FRMPD4: variants seen among roughly 807,000 people sequenced by gnomAD.
FRMPD4 encodes FERM and PDZ domain containing 4, also known as FERM and PDZ domain-containing protein 4.
A neutral mutation model predicts 94.1 loss-of-function variants in FRMPD4; 22 were observed. The observed-to-expected ratio is 0.23, with a 90% confidence interval of 0.17 to 0.33. The LOEUF (loss-of-function observed/expected upper bound fraction) is 0.33. FRMPD4 is among the 10% of genes least tolerant of loss of function. FRMPD4 has a pLI of 1.00. For synonymous variants in FRMPD4, 631 were observed against 548.6 expected, an observed-to-expected ratio of 1.15 and a Z score of -2.10; for missense variants, 1,111 against 1,339.9, an observed-to-expected ratio of 0.83 and a Z score of 2.67.
At chrX:12,668,530 G>A (rs989650509) in intron 4 of FRMPD4, among the ~76,000 whole-genome samples, 2 of 109,576 alleles carry the variant, frequency 1.8e-5, no homozygotes, top group Non-Finnish European at 3.8e-5. Context: ...GTGTGCTGAG[G>A]AGTCCTTCTT....
At chrX:11,942,025 A>G (rs2054162618) in intron 3 of FRMPD4, among the ~76,000 whole-genome samples, 2 of 112,117 alleles carry the variant, frequency 1.8e-5, no homozygotes, top group Non-Finnish European at 3.8e-5. Context: ...GACAAAGGTT[A>G]AAGAAATTAG....
In FRMPD4 at chrX:12,396,460, C is replaced by A. The variant is rs190121434; in HGVS notation, c.42-102220C>A. On this transcript the variant is annotated intron_variant, in intron 1 of 16. Transcript: ENST00000675598. ...AAAGCACATTTTTAATGATTGTTAT[C>A]CCACTAATGAATATTCCACGTTTTG... 1.9e-4 allele frequency among the ~76,000 whole-genome samples: 21 copies of A among 112,017 alleles called. No individual in the cohort carries two copies. In the South Asian group the frequency reaches 4.8e-3, roughly 26 times the overall value.
intron 3 of FRMPD4, among the ~76,000 whole-genome samples, chrX:12,033,627 T>C (rs1176801094): frequency 8.9e-6 from 1 of 111,849 alleles, no homozygotes; most frequent in Non-Finnish European, 1.9e-5. Flanking sequence ...GGCAAGCAGG[T>C]GGGAAGAGGA....
At chrX:12,206,035 G>T (rs2056688643) in intron 1 of FRMPD4, among the ~76,000 whole-genome samples, 1 of 112,007 alleles carries the variant, frequency 8.9e-6, no homozygotes, top group South Asian at 3.7e-4. Context: ...TCTAATAAGT[G>T]TGTTTTTCTG....
chrX:12,564,898 G>A (rs1375424836), intron 2 of FRMPD4, among the ~76,000 whole-genome samples: 1 of 110,993 alleles, frequency 9.0e-6, no homozygotes, highest in East Asian at 2.8e-4. Context: ...AAAGTTCTCA[G>A]TGGCCAAACT....
chrX:12,166,958 C>G (rs2056131029), intron 1 of FRMPD4, among the ~76,000 whole-genome samples: 1 of 110,476 alleles, frequency 9.1e-6, no homozygotes, highest in Admixed American at 9.6e-5. Flanking sequence ...CTTTATTAGT[C>G]TTGCTAGTGG....
At chrX:12,297,592 A>G (rs1245505932) in intron 1 of FRMPD4, among the ~76,000 whole-genome samples, 1 of 111,664 alleles carries the variant, frequency 9.0e-6, no homozygotes, top group Non-Finnish European at 1.9e-5. Flanking sequence ...GAAATATAAG[A>G]AATTGTGGGA....
intron 2 of FRMPD4, among the ~76,000 whole-genome samples, chrX:12,520,462 C>T (rs1044308650): frequency 5.4e-5 from 6 of 111,503 alleles, no homozygotes; most frequent in African/African-American, 2.0e-4. Flanking sequence ...ATGCACTTAA[C>T]ACTCCTGAAC....
intron 2 of FRMPD4, among the ~76,000 whole-genome samples, chrX:11,869,758 G>A (rs1228845484): frequency 9.0e-6 from 1 of 111,692 alleles, no homozygotes; most frequent in Admixed American, 9.5e-5. Flanking sequence ...AGAAAACTCT[G>A]TCTTGATTAA....
chrX:12,102,720 G>T (rs1433979128), intron 3 of FRMPD4, among the ~76,000 whole-genome samples: 2 of 110,599 alleles, frequency 1.8e-5, no homozygotes, highest in Non-Finnish European at 3.8e-5. Flanking sequence ...AGAATCAATG[G>T]ATATTTTAGG....
chrX:11,873,515 G>A (rs1268778644), intron 2 of FRMPD4, among the ~76,000 whole-genome samples: 1 of 110,550 alleles, frequency 9.0e-6, no homozygotes, highest in East Asian at 2.8e-4. Flanking sequence ...ACTCTTTGCT[G>A]CCCTTTGCCA....
chrX:11,934,199 A>G (rs1165407497), intron 3 of FRMPD4, among the ~76,000 whole-genome samples: 1 of 112,376 alleles, frequency 8.9e-6, no homozygotes, highest in Non-Finnish European at 1.9e-5. Context: ...TGGTACTAAG[A>G]CTTGAAGTTG....
At chrX:12,363,032 C>T (rs372638468) in intron 1 of FRMPD4, among the ~76,000 whole-genome samples, 15 of 112,205 alleles carry the variant, frequency 1.3e-4, no homozygotes, top group African/African-American at 2.3e-4. Flanking sequence ...TCGTATCCCT[C>T]GCCCACTTTT....
intron 8 of FRMPD4, among the ~76,000 whole-genome samples, chrX:12,693,858 G>C (rs928208965): frequency 9.0e-6 from 1 of 111,439 alleles, no homozygotes; most frequent in Non-Finnish European, 1.9e-5. Flanking sequence ...TCAGACTACC[G>C]GAGCCCATCG....
chrX:12,516,538 C>T (rs1360518002), intron 2 of FRMPD4, among the ~76,000 whole-genome samples: 1 of 112,021 alleles, frequency 8.9e-6, no homozygotes, highest in Non-Finnish European at 1.9e-5. Flanking sequence ...TCTCTTCTGG[C>T]TTGCAGGGTT....
chrX:12,365,834 C>G (rs1477138242), intron 1 of FRMPD4, among the ~76,000 whole-genome samples: 1 of 111,287 alleles, frequency 9.0e-6, no homozygotes, highest in Non-Finnish European at 1.9e-5. Context: ...TGCCTTCTGT[C>G]CTACCATCTT....
In FRMPD4 at chrX:11,912,798, A is replaced by G. The variant is rs58162897; in HGVS notation, c.95+34780A>G. Among the ~76,000 whole-genome samples, 594 of 111,090 alleles carry G rather than the reference A, an allele frequency of 5.3e-3. 4 individuals carry two copies. Among genetic ancestry groups the G allele is most frequent in the African/African-American group, 0.018 (563 of 30,684 alleles). ...TGGAATTACAAAAAAAAAAAGAAAA[A>G]AAGAAGAAGAAGAAGAAGCTGCTTC... On this transcript the variant is annotated intron_variant, in intron 3 of 18. Transcript: ENST00000640291.
intron 1 of FRMPD4, among the ~76,000 whole-genome samples, chrX:12,276,284 G>C (rs1044655616): frequency 1.8e-5 from 2 of 112,184 alleles, no homozygotes; most frequent in East Asian, 5.6e-4. Flanking sequence ...ACCAAAGGAC[G>C]ATGACACAGT....
At chrX:12,573,506 A>G (rs1202310947) in intron 2 of FRMPD4, among the ~76,000 whole-genome samples, 1 of 112,317 alleles carries the variant, frequency 8.9e-6, no homozygotes, top group East Asian at 2.8e-4. Flanking sequence ...CTTCTTAAAG[A>G]CTAAATTCAT....
Sources: allele counts gnomAD v4.1 joint callset (sites outside exome capture counted in the v4.1 genomes callset), GRCh38; gene constraint gnomAD v4.1.1; transcripts MANE v1.5; gene names NCBI Gene and HGNC (gene_info 2026-07-23, HGNC 2026-07-21).